The following PAQR3 variants were observed in gnomAD, a reference collection of about 807,000 sequenced individuals.
PAQR3 encodes Raf kinase trapping to Golgi.
In PAQR3, 39 loss-of-function variants were observed where a neutral mutation model predicts 41.7. The ratio of observed to expected loss-of-function variants is 0.93; its 90% CI spans 0.72 to 1.22. The LOEUF (loss-of-function observed/expected upper bound fraction) is 1.22, where lower values mean the gene tolerates loss of function less well. PAQR3 is among the 50% of genes most tolerant of loss of function. The pLI is 0.00. For missense variants in PAQR3, 366 were observed against 385.6 expected (o/e 0.95, Z 0.42); for synonymous variants, 140 against 140.6 (o/e 1.00, Z 0.03).
chr4:78,930,265 A>G lies in PAQR3; in HGVS notation c.409T>C (p.Cys137Arg). 6.2e-7 allele frequency: 1 copy of G among 1,613,892 alleles called. No individual in the cohort carries two copies. Among genetic ancestry groups the G allele is most frequent in the Non-Finnish European group, 8.5e-7 (1 of 1,179,836 alleles). ...TAATCTAATGCCATCCATCTTCGAC[A>G]TGTTTTTTCTGACCGATGGCAGGAA... ...LFSCHRSEKT[C>R]RRWMALDYAG... is the part of the protein sequence containing the mutation. Residue 137 changes from cysteine (C) to arginine (R), a missense_variant, in exon 3 of 6, where the codon TGT becomes CGT. Transcript: ENST00000512733.
Position 78,919,126 on chromosome 4 carries a change from G to A in PAQR3, c.*1413C>T. 1 of 984,978 alleles carries A rather than the reference G, an allele frequency of 1.0e-6. No homozygotes were observed. Among genetic ancestry groups the A allele is most frequent in the Non-Finnish European group, 1.2e-6 (1 of 829,674 alleles). 61.0% of individuals were successfully genotyped at this position (984,978 alleles called of 1,614,324 possible). A position where few individuals can be genotyped will look rare whatever the true frequency, so the allele number is the denominator to read the frequency against. On this transcript the variant is annotated 3_prime_UTR_variant, in exon 6 of 6. Coordinates refer to ENST00000512733, the MANE Select transcript of PAQR3 (RefSeq NM_001040202.2). The stretch of plus-strand genomic sequence containing the variant: ...ACAACATTTTACTGATGTATTAACT[G>A]AGGCACATTAGTGACTTTCCAAGTA...
Position 78,930,198 on chromosome 4 carries a change from C to T in PAQR3, c.476G>A (p.Gly159Glu), listed in dbSNP as rs1345559394. 3 of 1,612,422 alleles carry T rather than the reference C, an allele frequency of 1.9e-6. No homozygotes were observed. The highest frequency in any genetic ancestry group is 2.5e-6 in the Non-Finnish European group (3 of 1,179,450). Residue 159 changes from glycine (G) to glutamate (E), a missense_variant, in exon 3 of 6, where the codon GGA (glycine) becomes GAA (glutamate). Gly to Glu is a moderately conservative substitution (Grantham distance 98, BLOSUM62 -2). Coordinates refer to ENST00000512733, the MANE Select transcript of PAQR3 (RefSeq NM_001040202.2). ...SIGILGCYVS[G>E]VFYAFYCNNY... ...ATTACAATAAAATGCGTAAAATACT[C>T]CTGAGACATAGCAGCCCAGTATTCC...
chr4:78,930,743 GA>G (rs1736773347), intron 2 of PAQR3: 2 of 152,100 alleles, frequency 1.3e-5, no homozygotes, highest in African/African-American at 4.8e-5. Context: ...AAAAATCAAA[GA>G]ACATAAATAT....
exon 13 of PAQR3, chr4:78,887,258 G>T: frequency 6.2e-7 from 1 of 1,609,692 alleles, no homozygotes. Flanking sequence ...GATCCTTTTG[G>T]TTCTGTTCCT....
At chr4:78,926,449 C>T in intron 4 of PAQR3, 72 bp downstream of exon 4, 1 of 1,363,032 alleles carries the variant, frequency 7.3e-7, no homozygotes, top group Non-Finnish European at 1.0e-6. Flanking sequence ...CCTGATTATA[C>T]TACTTTACCC....
intron 4 of PAQR3, among the ~76,000 whole-genome samples, chr4:78,925,297 C>T (rs1578017843): frequency 6.6e-6 from 1 of 152,248 alleles, no homozygotes; most frequent in East Asian, 1.9e-4. Context: ...TTGGTCACTT[C>T]TGTATCAACA....
At chr4:78,900,921 G>T (rs192750710) in intron 11 of PAQR3, among the ~76,000 whole-genome samples, 1 of 152,112 alleles carries the variant, frequency 6.6e-6, no homozygotes, top group Admixed American at 6.5e-5. Flanking sequence ...TTTATGGCAG[G>T]TTATAAAACT....
At chr4:78,921,843 A>T (rs559305869) in intron 5 of PAQR3, 1 of 984,998 alleles carries the variant, frequency 1.0e-6, no homozygotes, top group Non-Finnish European at 1.2e-6. Flanking sequence ...TTAATTTTTT[A>T]GTTTCCATAT....
intron 1 of PAQR3, 136 bp from the exon 2 acceptor site, chr4:78,935,419 T>G (rs1737325738): frequency 6.7e-6 from 4 of 594,064 alleles, no homozygotes; most frequent in Non-Finnish European, 1.1e-5. Context: ...CTTTCTAAAT[T>G]TGATATATTA....
At chr4:78,923,592 A>C (rs796848957) in intron 5 of PAQR3, 2 of 451,370 alleles carry the variant, frequency 4.4e-6, no homozygotes, top group Non-Finnish European at 7.9e-6. Flanking sequence ...TGGGAGTCAG[A>C]AGACTCAAAG....
At chr4:78,904,464 T>C (rs1420343212) in intron 11 of PAQR3, among the ~76,000 whole-genome samples, 1 of 151,968 alleles carries the variant, frequency 6.6e-6, no homozygotes. Context: ...TTTGCAATAC[T>C]TGTAATTTTC....
rs1372678575 is a variant in PAQR3 at position 78,915,801 on chromosome 4, G to A, written c.*4738C>T. 1 of 151,818 alleles carries A rather than the reference G, an allele frequency of 6.6e-6. No homozygotes were observed. Among genetic ancestry groups the A allele is most frequent in the Non-Finnish European group, 1.5e-5 (1 of 67,834 alleles). 9.4% of individuals were successfully genotyped at this position (151,818 alleles called of 1,614,324 possible). A position where few individuals can be genotyped will look rare whatever the true frequency, so the allele number is the denominator to read the frequency against. ...ATAATGCAAAGGGTCATGATTTGGGGTTATTTTTGTTTTATTTTAAAATTT... is the reference window on the plus strand; with the variant it reads ...ATAATGCAAAGGGTCATGATTTGGGATTATTTTTGTTTTATTTTAAAATTT... On this transcript the variant is annotated 3_prime_UTR_variant, in exon 6 of 6. Coordinates refer to ENST00000512733, the MANE Select transcript of PAQR3 (RefSeq NM_001040202.2).
At position 78,930,274 on chromosome 4, in the gene PAQR3, CTGA is replaced by C; in HGVS notation, c.397_399del (p.Ser133del). The C allele has an allele frequency of 3.1e-6, 5 of 1,613,758 alleles. No homozygotes were observed. Among genetic ancestry groups the C allele is most frequent in the Non-Finnish European group, 4.2e-6 (5 of 1,179,816 alleles). ...GCCATCCATCTTCGACATGTTTTTT[CTGA>C]CCGATGGCAGGAAAAAAGATGATAG... On this transcript the variant is annotated inframe_deletion, in exon 3 of 6. Transcript: ENST00000512733.
At chr4:78,922,205 T>C (rs2110135923) in intron 5 of PAQR3, 5 of 1,183,916 alleles carry the variant, frequency 4.2e-6, no homozygotes, top group African/African-American at 1.6e-5. Context: ...CAGTGGCATG[T>C]CCTAGATCTG....
intron 2 of PAQR3, 123 bp downstream of exon 2, chr4:78,934,998 C>T (rs1383295346): frequency 1.3e-6 from 1 of 778,066 alleles, no homozygotes; most frequent in East Asian, 2.5e-5. Context: ...AATCAATAAG[C>T]TGACCAACAT....
At position 78,921,007 on chromosome 4, in the gene PAQR3, T is replaced by C. The variant is rs142591526; in HGVS notation, c.794-326A>G. Among the ~76,000 whole-genome samples the C allele has an allele frequency of 3.9e-3, 591 of 152,024 alleles. 5 individuals carry two copies. The highest frequency in any genetic ancestry group is 0.013 in the African/African-American group (553 of 41,516). Reference sequence around the variant, plus strand: ...TGGAATGAACAACAACAAAAAATTATTGAGAGAGGCAAAAGAAACCAGATG... The same window carrying C: ...TGGAATGAACAACAACAAAAAATTACTGAGAGAGGCAAAAGAAACCAGATG... On this transcript the variant is annotated intron_variant, in intron 5 of 5. Transcript: ENST00000512733.
rs1336592874 is a variant in PAQR3, at chr4:78,926,719, C to G, written c.505-1G>C. The G allele has an allele frequency of 1.2e-6, 2 of 1,612,130 alleles. No homozygotes were observed. Among genetic ancestry groups the G allele is most frequent in the Admixed American group, 3.3e-5 (2 of 59,938 alleles). On this transcript the variant is annotated splice_acceptor_variant, in intron 3 of 5. Coordinates refer to ENST00000512733, the MANE Select transcript of PAQR3 (RefSeq NM_001040202.2). LOFTEE classifies it high-confidence loss of function. ...TGATCAAGTACACCTGACGCCAGTA[C>G]TAGAATGAAAGGAAATCACATTTTA...
At chr4:78,934,993 A>G (rs972199572) in intron 2 of PAQR3, 128 bp downstream of exon 2, 8 of 747,632 alleles carry the variant, frequency 1.1e-5, no homozygotes, top group Non-Finnish European at 1.5e-5. Flanking sequence ...ATGAAAATCA[A>G]TAAGCTGACC....
intron 11 of PAQR3, among the ~76,000 whole-genome samples, chr4:78,892,096 T>C (rs1158512430): frequency 6.6e-6 from 1 of 152,226 alleles, no homozygotes; most frequent in Non-Finnish European, 1.5e-5. Flanking sequence ...TTCAGAGTTA[T>C]GTTGGTCTCG....
Sources: allele counts gnomAD v4.1 joint callset (sites outside exome capture counted in the v4.1 genomes callset), GRCh38; gene constraint gnomAD v4.1.1; transcripts MANE v1.5; gene names NCBI Gene and HGNC (gene_info 2026-07-23, HGNC 2026-07-21).